Variants in OR10R2 observed in about 807,000 individuals in gnomAD.
OR10R2 encodes the protein olfactory receptor family 10 subfamily R member 2.
OR10R2 carries 1 observed loss-of-function variant against 2.4 expected under a neutral mutation model. The ratio of observed to expected loss-of-function variants is 0.41; its 90% CI spans 0.15 to 1.95. OR10R2 has a LOEUF of 1.95. Ranked by LOEUF, OR10R2 falls within the 30% of genes most tolerant of loss-of-function variation. The probability of loss-of-function intolerance (pLI) is 0.30; values close to 1 mark genes in which losing one functional copy is unlikely to be tolerated. For synonymous variants in OR10R2, 166 were observed against 144.8 expected (o/e 1.15, Z -1.05); for missense variants, 419 against 373.0 (o/e 1.12, Z -1.01).
Position 158,477,028 on chromosome 1 carries a change from C to T in OR10R2, c.28-2910C>T, listed in dbSNP as rs1001817233. On this transcript the variant is annotated intron_variant, in intron 1 of 1. Transcript: ENST00000641067. ...TATTTTCTCCCATTCTGTAGGTTGT[C>T]TGGTTCAATATTTGAAAATCAATAA... is the stretch of plus-strand genomic sequence containing the variant. Among the ~76,000 whole-genome samples, 33 of 152,070 alleles carry T rather than the reference C, an allele frequency of 2.2e-4. 1 individual carries two copies. Among genetic ancestry groups the T allele is most frequent in the African/African-American group, 6.8e-4 (28 of 41,396 alleles).
chr1:158,473,967 T>C (rs903002631), intron 1 of OR10R2, among the ~76,000 whole-genome samples: 3 of 150,840 alleles, frequency 2.0e-5, no homozygotes, highest in African/African-American at 7.4e-5. Context: ...TTCTTTCTTT[T>C]TCTTTTCTTT....
At chr1:158,480,353 A>C (rs368038543) in exon 2 of OR10R2, 4 of 1,614,002 alleles carry the variant, frequency 2.5e-6, no homozygotes, top group Non-Finnish European at 3.4e-6. Context: ...ATGAGCTGGC[A>C]GGTGTGTGGA....
intron 1 of OR10R2, among the ~76,000 whole-genome samples, chr1:158,477,584 T>A (rs1445227243): frequency 5.9e-5 from 9 of 151,750 alleles, no homozygotes. Flanking sequence ...TATCTAGAAA[T>A]GCACCTAATA....
exon 2 of OR10R2, chr1:158,480,676 G>T: frequency 6.2e-7 from 1 of 1,613,840 alleles, no homozygotes; most frequent in Non-Finnish European, 8.5e-7. Context: ...TCACCTCAGT[G>T]TTGTTATTGT....
chr1:158,473,513 T>C (rs1283660869), intron 1 of OR10R2, among the ~76,000 whole-genome samples: 1 of 152,156 alleles, frequency 6.6e-6, no homozygotes, highest in Non-Finnish European at 1.5e-5. Context: ...GAAACCTGAC[T>C]TACAGGGAAG....
intron 1 of OR10R2, among the ~76,000 whole-genome samples, chr1:158,472,665 A>T (rs1656186102): frequency 6.6e-6 from 1 of 152,208 alleles, no homozygotes; most frequent in African/African-American, 2.4e-5. Context: ...CTTATGTTTA[A>T]TTCAGAAATT....
chr1:158,474,695 A>G (rs1279029277), intron 1 of OR10R2: 1 of 152,208 alleles, frequency 6.6e-6, no homozygotes. Flanking sequence ...AATATATTTT[A>G]ATTGACACCT....
intron 1 of OR10R2, among the ~76,000 whole-genome samples, chr1:158,478,546 CTATT>C (rs1447441881): frequency 6.6e-6 from 1 of 152,108 alleles, no homozygotes; most frequent in Non-Finnish European, 1.5e-5. Flanking sequence ...ATTGCTTTGA[CTATT>C]TACTGCAGAA....
intron 1 of OR10R2, 116 bp from the exon 2 acceptor site, chr1:158,479,822 G>A (rs895163008): frequency 9.4e-7 from 1 of 1,067,762 alleles, no homozygotes; most frequent in Admixed American, 2.1e-5. Flanking sequence ...AACCGGAAAA[G>A]GTGAATAAAA....
At position 158,478,368 on chromosome 1, in the gene OR10R2, C is replaced by T. The variant is rs1163884042; in HGVS notation, c.28-1570C>T. 1.3e-5 allele frequency among the ~76,000 whole-genome samples: 2 copies of T among 152,024 alleles called. 1 individual carries two copies. The highest frequency in any genetic ancestry group is 2.9e-5 in the Non-Finnish European group (2 of 67,970). ...AAACTATTGACAGAGAGAAGAGATT[C>T]TTATTTCTACCTGTTAGAACCTGAG... On this transcript the variant is annotated intron_variant, in intron 1 of 1. Transcript: ENST00000641067.
chr1:158,479,800 G>C, intron 1 of OR10R2, 138 bp from the exon 2 acceptor site: 1 of 796,774 alleles, frequency 1.3e-6, no homozygotes, highest in Non-Finnish European at 2.1e-6. Flanking sequence ...ATGAACATGA[G>C]AGGTAGTTAG....
At chr1:158,480,623 C>T (rs769740898) in exon 2 of OR10R2, 7 of 1,613,760 alleles carry the variant, frequency 4.3e-6, no homozygotes, top group African/African-American at 1.3e-5. Flanking sequence ...CTGAAGATTC[C>T]CTCAGCTGAG....
At chr1:158,479,015 G>C (rs1224598235) in intron 1 of OR10R2, among the ~76,000 whole-genome samples, 2 of 152,074 alleles carry the variant, frequency 1.3e-5, no homozygotes, top group Non-Finnish European at 2.9e-5. Context: ...GGCATTACTA[G>C]AGTGGTAAAC....
chr1:158,480,854 G>T (rs760206463), exon 2 of OR10R2: 1 of 1,547,584 alleles, frequency 6.5e-7, no homozygotes, highest in Admixed American at 1.9e-5. Context: ...AAAGTGTTGG[G>T]CAAGAAAGGT....
exon 2 of OR10R2, chr1:158,480,536 T>A (rs1656377725): frequency 6.2e-7 from 1 of 1,613,740 alleles, no homozygotes; most frequent in Non-Finnish European, 8.5e-7. Flanking sequence ...TTTGTGATAT[T>A]CATTTGTGGA....
exon 2 of OR10R2, chr1:158,480,764 T>C (rs752239382): frequency 6.2e-7 from 1 of 1,613,808 alleles, no homozygotes; most frequent in South Asian, 1.1e-5. Context: ...CTGGTGACGG[T>C]GACATACACG....
chr1:158,479,872 G>C, intron 1 of OR10R2, 66 bp from the exon 2 acceptor site: 2 of 1,555,420 alleles, frequency 1.3e-6, no homozygotes, highest in Non-Finnish European at 1.8e-6. Flanking sequence ...AGGAACAAAG[G>C]AGTGCATGCC....
At chr1:158,480,531 G>C (rs768702937) in exon 2 of OR10R2, 1 of 1,613,670 alleles carries the variant, frequency 6.2e-7, no homozygotes, top group African/African-American at 1.3e-5. Context: ...ACGAATTTGT[G>C]ATATTCATTT....
chr1:158,479,952 C>T lies in OR10R2; in HGVS notation c.42C>T (p.Asn14=), dbSNP rs1230512371. 1.9e-6 allele frequency: 3 copies of T among 1,613,986 alleles called. No homozygotes were observed. The South Asian group carries it at 3.3e-5, about 18-fold the overall frequency. The change falls in exon 2 of 2, where the codon AAC becomes AAT. Residue 14 remains asparagine (N), a synonymous_variant. Coordinates refer to ENST00000641067, the Ensembl canonical transcript of OR10R2. ...CCCCTTTGCAGATCTTGGCAGAAAA[C>T]CTCACCATGGTCACCGAATTCCTGT...
Sources: gnomAD v4.1 joint callset for allele counts (sites outside exome capture counted in the v4.1 genomes callset) on GRCh38, gnomAD v4.1.1 for gene constraint, MANE v1.5 for transcripts, NCBI Gene and HGNC (gene_info 2026-07-23, HGNC 2026-07-21) for gene names.